Variants in TOP1 observed in about 807,000 individuals in gnomAD.
TOP1 encodes DNA topoisomerase I.
In TOP1, 10 loss-of-function variants were observed where a neutral mutation model predicts 111.1. The observed-to-expected ratio is 0.09, with a 90% CI of 0.06 to 0.15. The LOEUF is 0.15. Ranked by LOEUF, TOP1 falls within the 10% of genes least tolerant of loss-of-function variation. The pLI is 1.00. For synonymous variants in TOP1, 271 were observed against 302.9 expected (o/e 0.89, Z 1.10); for missense variants, 474 against 926.7 (o/e 0.51, Z 6.34).
intron 9 of TOP1, among the ~76,000 whole-genome samples, chr20:41,093,532 C>T (rs912805220): frequency 1.3e-5 from 2 of 152,068 alleles, no homozygotes; most frequent in Admixed American, 6.5e-5. Flanking sequence ...GTCTTACCAC[C>T]GTCTTTTGGC....
chr20:41,038,126 G>T lies in TOP1; in HGVS notation c.58+8671G>T, dbSNP rs576349275. On this transcript the variant is annotated intron_variant, in intron 2 of 20. Coordinates refer to ENST00000361337, the MANE Select transcript of TOP1 (RefSeq NM_003286.4). ...CAAAGCTTTGGTCTCTTTTTCTTTCGTTTTCCTCTGATACAGAATGCGAAT... is the reference window on the plus strand; with the variant it reads ...CAAAGCTTTGGTCTCTTTTTCTTTCTTTTTCCTCTGATACAGAATGCGAAT... Among the ~76,000 whole-genome samples the T allele has an allele frequency of 9.4e-4, 143 of 151,868 alleles. 1 individual carries two copies. Among genetic ancestry groups the T allele is most frequent in the South Asian group, 4.8e-3 (23 of 4,832 alleles).
At position 41,071,572 on chromosome 20, in the gene TOP1, T is replaced by G. The variant is rs2033669817; in HGVS notation, c.156-4599T>G. ...GTTGCCCAGGCTGGTCTCGAACTCCTGACCTCAGGTGATCTGCCCGCCTCG... is the reference window on the plus strand; with the variant it reads ...GTTGCCCAGGCTGGTCTCGAACTCCGGACCTCAGGTGATCTGCCCGCCTCG... On this transcript the variant is annotated intron_variant, in intron 3 of 20. Coordinates refer to ENST00000361337, the MANE Select transcript of TOP1 (RefSeq NM_003286.4). The surrounding 1 kb of genome is among the most constrained non-coding windows in gnomAD (Gnocchi z 4.3). 1.3e-5 allele frequency among the ~76,000 whole-genome samples: 2 copies of G among 151,992 alleles called. No individual in the cohort carries two copies. The highest frequency in any genetic ancestry group is 4.8e-5 in the African/African-American group (2 of 41,382).
intron 2 of TOP1, among the ~76,000 whole-genome samples, chr20:41,060,462 A>G (rs1232203970): frequency 1.3e-5 from 2 of 152,250 alleles, no homozygotes; most frequent in Non-Finnish European, 2.9e-5. Context: ...CAAATCTAAT[A>G]TACAGCACGA....
At chr20:41,056,361 CAGAA>C (rs2033470788) in intron 2 of TOP1, among the ~76,000 whole-genome samples, 1 of 152,072 alleles carries the variant, frequency 6.6e-6, no homozygotes, top group Admixed American at 6.5e-5. Context: ...TATATTTACT[CAGAA>C]ATTACAAATT....
Position 41,092,695 on chromosome 20 carries a change from C to A in TOP1, c.730+108C>A. 1.7e-6 allele frequency: 1 copy of A among 582,604 alleles called. No individual in the cohort carries two copies. The highest frequency in any genetic ancestry group is 2.8e-5 in the South Asian group (1 of 36,330). 36.1% of individuals were successfully genotyped at this position (582,604 alleles called of 1,614,324 possible). A position where few individuals can be genotyped will look rare whatever the true frequency, so the allele number is the denominator to read the frequency against. On this transcript the variant is annotated intron_variant, in intron 9 of 20. Transcript: ENST00000361337. The surrounding 1 kb of genome is among the most constrained non-coding windows in gnomAD (Gnocchi z 4.3). ...ATGTAATAGATAATCCTTTTTATTT[C>A]ATTTTGTTTTATTGCCATGCAATTT... is the stretch of plus-strand genomic sequence containing the variant.
intron 8 of TOP1, among the ~76,000 whole-genome samples, chr20:41,084,776 C>T (rs2033828078): frequency 6.6e-6 from 1 of 152,126 alleles, no homozygotes; most frequent in Non-Finnish European, 1.5e-5. Flanking sequence ...AACTGGTTTC[C>T]ACCACTGTGA....
Position 41,028,855 on chromosome 20 carries a change from G to T in TOP1, c.-213G>T. On this transcript the variant is annotated 5_prime_UTR_variant, in exon 1 of 21. Coordinates refer to ENST00000361337, the MANE Select transcript of TOP1 (RefSeq NM_003286.4). ...AACTTAGGCTGTTACACAACTGCTG[G>T]GGTCTGTTCTCGCCGCCCGCCCGGC... 1.8e-6 allele frequency: 1 copy of T among 547,758 alleles called. No individual in the cohort carries two copies. The highest frequency in any genetic ancestry group is 3.2e-6 in the Non-Finnish European group (1 of 311,484). 33.9% of individuals were successfully genotyped at this position (547,758 alleles called of 1,614,324 possible).
At position 41,079,883 on chromosome 20, in the gene TOP1, C is replaced by T. The variant is rs955867640; in HGVS notation, c.336-202C>T. On this transcript the variant is annotated intron_variant, in intron 5 of 20. Transcript: ENST00000361337. The surrounding 1 kb of genome is among the most constrained non-coding windows in gnomAD (Gnocchi z 4.0). ...CTTGATCCCAAATCCTGATATTGCC[C>T]ATTCACCTGTACAATGAGGACAAAT... Among the ~76,000 whole-genome samples, 1 of 152,174 alleles carries T rather than the reference C, an allele frequency of 6.6e-6. No individual in the cohort carries two copies. Among genetic ancestry groups the T allele is most frequent in the Non-Finnish European group, 1.5e-5 (1 of 68,036 alleles).
Position 41,102,149 on chromosome 20 carries a change from G to A in TOP1, c.1308+796G>A, listed in dbSNP as rs1026687509. The stretch of plus-strand genomic sequence containing the variant: ...GGGACTAAAGACCTTCTTGATCCTC[G>A]TTCATAGGTTATAACATCTGTTAAA... On this transcript the variant is annotated intron_variant, in intron 13 of 20. Coordinates refer to ENST00000361337, the MANE Select transcript of TOP1 (RefSeq NM_003286.4). The surrounding 1 kb of genome is among the most constrained non-coding windows in gnomAD (Gnocchi z 4.0). 6.6e-6 allele frequency among the ~76,000 whole-genome samples: 1 copy of A among 152,102 alleles called. No homozygotes were observed. Among genetic ancestry groups the A allele is most frequent in the African/African-American group, 2.4e-5 (1 of 41,408 alleles).
chr20:41,044,344 A>G (rs753025207), intron 2 of TOP1, among the ~76,000 whole-genome samples: 1 of 152,254 alleles, frequency 6.6e-6, no homozygotes, highest in Non-Finnish European at 1.5e-5. Context: ...ACTTTCAGAG[A>G]TAAGTAAAAA....
chr20:41,111,636 GC>G (rs1035250011), intron 13 of TOP1, among the ~76,000 whole-genome samples: 14 of 123,450 alleles, frequency 1.1e-4, no homozygotes, highest in African/African-American at 4.6e-4. Context: ...ATGCTCTGTT[GC>G]CCAGGCTGAA....
chr20:41,098,124 A>C lies in TOP1; in HGVS notation c.853-91A>C. The C allele has an allele frequency of 7.3e-7, 1 of 1,361,790 alleles. No individual in the cohort carries two copies. The highest frequency in any genetic ancestry group is 1.0e-6 in the Non-Finnish European group (1 of 969,752). The allele number at this position is 1,361,790 out of a possible 1,614,324, so 84.4% of individuals were successfully genotyped here. On this transcript the variant is annotated intron_variant, in intron 10 of 20. Coordinates refer to ENST00000361337, the MANE Select transcript of TOP1 (RefSeq NM_003286.4). This position sits in a 1 kb window ranked among gnomAD's most constrained non-coding sequence, Gnocchi z 5.7. ...CTTCCAGAAACCTTTGACTGAAAAA[A>C]TGGTGCTTGGGTGTATTTGCAAAGA...
intron 9 of TOP1, among the ~76,000 whole-genome samples, chr20:41,096,565 G>A (rs2033985610): frequency 1.3e-5 from 2 of 152,144 alleles, no homozygotes; most frequent in Admixed American, 1.3e-4. Flanking sequence ...GGTCTAGGAG[G>A]GGGCCTGGGA....
Position 41,032,059 on chromosome 20 carries a change from A to AAAAAAAAAACACT in TOP1, c.58+2604_58+2605insAAAAAAAAACACT, listed in dbSNP as rs2033126643. On this transcript the variant is annotated intron_variant, in intron 2 of 20. Coordinates refer to ENST00000361337, the MANE Select transcript of TOP1 (RefSeq NM_003286.4). This position sits in a 1 kb window ranked among gnomAD's most constrained non-coding sequence, Gnocchi z 4.3. ...TAACTATGAAAAAAACTTTAAAAAA[A>AAAAAAAAAACACT]GTAGAAATCAATGTTTAATTATGCC... 1.3e-5 allele frequency among the ~76,000 whole-genome samples: 2 copies of AAAAAAAAAACACT among 152,218 alleles called. No homozygotes were observed. The highest frequency in any genetic ancestry group is 4.8e-5 in the African/African-American group (2 of 41,454).
chr20:41,107,141 C>T (rs973537688), intron 13 of TOP1, among the ~76,000 whole-genome samples: 1 of 152,088 alleles, frequency 6.6e-6, no homozygotes, highest in African/African-American at 2.4e-5. Flanking sequence ...CATAGTCTGT[C>T]TTTTCTCCAG....
At chr20:41,108,882 T>C (rs2034190336) in intron 13 of TOP1, among the ~76,000 whole-genome samples, 1 of 152,212 alleles carries the variant, frequency 6.6e-6, no homozygotes, top group Admixed American at 6.5e-5. Context: ...TTTGGAAGCA[T>C]TACCTGCTCT....
At chr20:41,041,397 C>A (rs1341797123) in intron 2 of TOP1, among the ~76,000 whole-genome samples, 1 of 142,354 alleles carries the variant, frequency 7.0e-6, no homozygotes, top group Admixed American at 7.3e-5. Context: ...CTGCAGGGAG[C>A]CATGTTTGCC....
chr20:41,065,715 C>T (rs571343402), intron 3 of TOP1, among the ~76,000 whole-genome samples: 2 of 151,894 alleles, frequency 1.3e-5, no homozygotes, highest in South Asian at 2.1e-4. Context: ...AAGGTTTATC[C>T]GTATTGTAGC....
intron 8 of TOP1, among the ~76,000 whole-genome samples, chr20:41,088,771 T>G (rs1019539501): frequency 1.3e-5 from 2 of 152,110 alleles, no homozygotes; most frequent in Non-Finnish European, 2.9e-5. Context: ...CCTGAAAAAG[T>G]GGTAGGTTAG....
Sources: allele counts gnomAD v4.1 joint callset (sites outside exome capture counted in the v4.1 genomes callset), GRCh38; gene constraint gnomAD v4.1.1; non-coding constraint Gnocchi (gnomAD v3.1); transcripts MANE v1.5; gene names NCBI Gene and HGNC (gene_info 2026-07-23, HGNC 2026-07-21).